The following COL21A1 variants were observed in gnomAD, a reference collection of about 807,000 sequenced individuals.
COL21A1 encodes collagen type XXI alpha 1 chain, also known as collagen alpha-1(XXI) chain.
In COL21A1, 149 loss-of-function variants were observed where a neutral mutation model predicts 137.9. That is an observed-to-expected ratio of 1.08 (90% CI 0.95 to 1.24). The LOEUF is 1.24. Among genes scored for constraint, COL21A1 ranks in the 50% most tolerant of loss-of-function variants. The pLI, the probability that COL21A1 is intolerant of heterozygous loss-of-function variation, is 0.00. For missense variants in COL21A1, 1,167 were observed against 1,158.4 expected, an observed-to-expected ratio of 1.01 and a Z score of -0.11; for synonymous variants, 456 against 391.5, an observed-to-expected ratio of 1.16 and a Z score of -1.95.
intron 1 of COL21A1, among the ~76,000 whole-genome samples, chr6:56,188,948 GA>G (rs1778481121): frequency 6.6e-6 from 1 of 151,904 alleles, no homozygotes; most frequent in Non-Finnish European, 1.5e-5. Context: ...TCCACTCAAG[GA>G]CCCCATCTGA....
chr6:56,084,422 G>T (rs547363411), intron 17 of COL21A1, among the ~76,000 whole-genome samples: 5 of 151,964 alleles, frequency 3.3e-5, no homozygotes, highest in African/African-American at 9.6e-5. Flanking sequence ...AAAAAGTCCA[G>T]ACATAATCTC....
At chr6:56,364,327 C>T (rs1382082870) in intron 1 of COL21A1, among the ~76,000 whole-genome samples, 1 of 152,040 alleles carries the variant, frequency 6.6e-6, no homozygotes, top group Non-Finnish European at 1.5e-5. Context: ...AAATTAAAAC[C>T]CTCAATGATT....
At chr6:56,391,063 T>A (rs770900525) in intron 1 of COL21A1, among the ~76,000 whole-genome samples, 2 of 152,166 alleles carry the variant, frequency 1.3e-5, no homozygotes, top group Non-Finnish European at 2.9e-5. Flanking sequence ...ATAGACCATA[T>A]GGTAGGTCAC....
chr6:56,265,213 T>C (rs1378438225), intron 1 of COL21A1, among the ~76,000 whole-genome samples: 1 of 152,220 alleles, frequency 6.6e-6, no homozygotes, highest in Non-Finnish European at 1.5e-5. Flanking sequence ...CAAGTGGCTG[T>C]CCCAGAAATC....
intron 16 of COL21A1, among the ~76,000 whole-genome samples, chr6:56,112,658 A>G (rs1771534157): frequency 6.6e-6 from 1 of 151,386 alleles, no homozygotes; most frequent in Non-Finnish European, 1.5e-5. Context: ...GCCTGCCCAC[A>G]GAAGAAGTTT....
At chr6:56,272,143 G>T (rs1311451454) in intron 1 of COL21A1, among the ~76,000 whole-genome samples, 2 of 152,182 alleles carry the variant, frequency 1.3e-5, no homozygotes, top group Non-Finnish European at 2.9e-5. Flanking sequence ...CTGACAGCTT[G>T]CACCAAGCAT....
chr6:56,065,377 C>T (rs1410912695), intron 23 of COL21A1, among the ~76,000 whole-genome samples: 1 of 151,992 alleles, frequency 6.6e-6, no homozygotes, highest in African/African-American at 2.4e-5. Flanking sequence ...TTGAGCAGCA[C>T]CTATTTGCTG....
intron 20 of COL21A1, among the ~76,000 whole-genome samples, chr6:56,073,383 G>A (rs1411621778): frequency 1.3e-5 from 2 of 151,280 alleles, no homozygotes; most frequent in Admixed American, 6.6e-5. Flanking sequence ...TCATTATTGG[G>A]CTCCCATGTC....
chr6:56,099,458 G>T (rs899821155), intron 17 of COL21A1, among the ~76,000 whole-genome samples: 3 of 149,778 alleles, frequency 2.0e-5, no homozygotes, highest in Non-Finnish European at 3.0e-5. Flanking sequence ...GGATGGTCTC[G>T]ATCTCCTGGC....
chr6:56,249,612 A>C (rs985170027), upstream of COL21A1, among the ~76,000 whole-genome samples: 2 of 152,218 alleles, frequency 1.3e-5, no homozygotes, highest in Non-Finnish European at 2.9e-5. Context: ...ACACACACAA[A>C]AAAACACTTA....
chr6:56,325,930 ATAAT>A (rs1765068497), intron 1 of COL21A1, among the ~76,000 whole-genome samples: 5 of 44,680 alleles, frequency 1.1e-4, no homozygotes, highest in Admixed American at 4.3e-4. Context: ...TATAATATAT[ATAAT>A]ATATATTATA....
chr6:56,222,459 T>C (rs1023806905), intron 1 of COL21A1, among the ~76,000 whole-genome samples: 1 of 152,146 alleles, frequency 6.6e-6, no homozygotes, highest in African/African-American at 2.4e-5. Flanking sequence ...TAATATTTCA[T>C]GCCTATAATA....
At position 56,316,477 on chromosome 6, in the gene COL21A1, C is replaced by CTTTTT. The variant is rs60388494; in HGVS notation, c.-39+77489_-39+77493dup. Among the ~76,000 whole-genome samples, 721 of 75,728 alleles carry CTTTTT rather than the reference C, an allele frequency of 9.5e-3. 162 individuals are homozygous for CTTTTT. Among genetic ancestry groups the CTTTTT allele is most frequent in the African/African-American group, 0.03 (587 of 19,836 alleles). The allele number at this position is 75,728 out of a possible 152,430, so 49.7% of individuals were successfully genotyped here. On this transcript the variant is annotated intron_variant, in intron 1 of 28. Transcript: ENST00000370819. Reference sequence around the variant, plus strand: ...CACACCTTTTAAAATTCTAAATAGACTTTTTTTTTTTTTTTTTTTTTTGAG... The same window carrying CTTTTT: ...CACACCTTTTAAAATTCTAAATAGACTTTTTTTTTTTTTTTTTTTTTTTTTTTGAG...
At chr6:56,139,941 T>A (rs557139020) in intron 12 of COL21A1, among the ~76,000 whole-genome samples, 4 of 152,278 alleles carry the variant, frequency 2.6e-5, no homozygotes, top group African/African-American at 9.6e-5. Flanking sequence ...GATATAATTA[T>A]GACATTTTAT....
At chr6:56,063,508 G>A (rs1192341920) in intron 24 of COL21A1, among the ~76,000 whole-genome samples, 1 of 152,026 alleles carries the variant, frequency 6.6e-6, no homozygotes, top group African/African-American at 2.4e-5. Context: ...TCAAGTGGAG[G>A]ATCATGAAAA....
At chr6:56,293,364 T>C (rs1217790468) in intron 1 of COL21A1, among the ~76,000 whole-genome samples, 1 of 152,170 alleles carries the variant, frequency 6.6e-6, no homozygotes, top group Non-Finnish European at 1.5e-5. Context: ...ATTTTCAGGT[T>C]TTTTAAAGTT....
intron 17 of COL21A1, among the ~76,000 whole-genome samples, chr6:56,096,843 C>A (rs1769364630): frequency 1.3e-5 from 2 of 152,120 alleles, no homozygotes; most frequent in Admixed American, 6.6e-5. Flanking sequence ...AGAGCCAAGT[C>A]ATTTATTACA....
At chr6:56,336,202 C>G (rs1765327953) in intron 1 of COL21A1, among the ~76,000 whole-genome samples, 1 of 152,162 alleles carries the variant, frequency 6.6e-6, no homozygotes, top group East Asian at 1.9e-4. Flanking sequence ...CAAATCAAGA[C>G]CTCTGGGGCT....
intron 17 of COL21A1, among the ~76,000 whole-genome samples, chr6:56,085,374 C>T (rs12196649): frequency 0.15 from 23,076 of 151,806 alleles, 1,779 homozygotes; most frequent in Middle Eastern, 0.22. Context: ...TAGATTTGTT[C>T]TTGTTATTTT....
Sources: allele counts gnomAD v4.1 joint callset (sites outside exome capture counted in the v4.1 genomes callset), GRCh38; gene constraint gnomAD v4.1.1; transcripts MANE v1.5; gene names NCBI Gene and HGNC (gene_info 2026-07-23, HGNC 2026-07-21).